The following MFSD11 variants were observed in gnomAD, a reference collection of about 807,000 sequenced individuals.
MFSD11 encodes major facilitator superfamily domain containing 11, also known as UNC93-like protein MFSD11.
In MFSD11, 36 loss-of-function variants were observed where a neutral mutation model predicts 53.5. The ratio of observed to expected loss-of-function variants is 0.67; its 90% CI spans 0.52 to 0.89. The LOEUF (loss-of-function observed/expected upper bound fraction) is 0.89, where lower values mean the gene tolerates loss of function less well. Ranked by LOEUF, MFSD11 falls within the 40% of genes least tolerant of loss-of-function variation. The pLI is 0.00. For synonymous variants in MFSD11, 186 were observed against 184.9 expected (o/e 1.01, Z -0.05); for missense variants, 530 against 543.9 (o/e 0.97, Z 0.25).
At chr17:76,775,235 C>A in intron 11 of MFSD11, 64 bp downstream of exon 11, 1 of 1,481,388 alleles carries the variant, frequency 6.8e-7, no homozygotes, top group East Asian at 2.3e-5. Context: ...TGGCTAGATA[C>A]TGAAAGTGGA....
At chr17:76,744,295 A>C in intron 6 of MFSD11, 27 bp from the exon 7 acceptor site, 1 of 1,597,964 alleles carries the variant, frequency 6.3e-7, no homozygotes, top group South Asian at 1.1e-5. Context: ...GGTCGATACT[A>C]TCTTGTTTCT....
At chr17:76,785,482 C>T (rs888683509), downstream of MFSD11, among the ~76,000 whole-genome samples, 9 of 151,618 alleles carry the variant, frequency 5.9e-5, no homozygotes, top group Admixed American at 2.0e-4. Context: ...GGACCACAAG[C>T]GCATCCCACC....
chr17:76,780,129 A>G (rs1156666482), downstream of MFSD11, among the ~76,000 whole-genome samples: 3 of 152,262 alleles, frequency 2.0e-5, no homozygotes, highest in East Asian at 3.9e-4. Flanking sequence ...AAAATGTCCC[A>G]TTTTAAAGTG....
At chr17:76,784,725 C>T (rs954340000), downstream of MFSD11, among the ~76,000 whole-genome samples, 1 of 151,966 alleles carries the variant, frequency 6.6e-6, no homozygotes, top group Non-Finnish European at 1.5e-5. Context: ...ATGGTATAAC[C>T]CTGTCTCTAC....
rs534434254 is a variant in MFSD11 at position 76,766,463 on chromosome 17, A to G, written c.683-923A>G. 4.6e-5 allele frequency among the ~76,000 whole-genome samples: 7 copies of G among 152,114 alleles called. No individual in the cohort carries two copies. In the South Asian group the frequency reaches 1.5e-3, roughly 32 times the overall value. On this transcript the variant is annotated intron_variant, in intron 8 of 12. Transcript: ENST00000685175. ...AAAGAAACCTAAATAAATAAATAAA[A>G]TAAAATGAACATGCTTTGCTAGTAG...
chr17:76,744,327 G>T lies in MFSD11; in HGVS notation c.502G>T (p.Asp168Tyr). The T allele has an allele frequency of 6.2e-7, 1 of 1,609,298 alleles. No individual in the cohort carries two copies. The highest frequency in any genetic ancestry group is 1.1e-5 in the South Asian group (1 of 89,798). ...TTCTTCTTTTTTCTCCGTAGAGAGT[G>T]ACCGAAGAACAGTGTTTATTGCCCT... ...WQGKTQISESDRRTVFIALTV... is the reference protein window; with the variant it reads ...WQGKTQISESYRRTVFIALTV... Residue 168 changes from aspartate to tyrosine, a missense_variant, in exon 7 of 13, where the codon GAC becomes TAC. Coordinates refer to ENST00000685175, the MANE Select transcript of MFSD11 (RefSeq NM_001242532.5).
chr17:76,800,886 G>A, the MFSD11 span, among the ~76,000 whole-genome samples: 2 of 152,192 alleles, frequency 1.3e-5, no homozygotes, highest in East Asian at 1.9e-4. Flanking sequence ...AGACCAGCCT[G>A]GGCAACATGA....
At chr17:76,738,697 G>C (rs185940798) in intron 1 of MFSD11, among the ~76,000 whole-genome samples, 5 of 152,180 alleles carry the variant, frequency 3.3e-5, no homozygotes, top group Non-Finnish European at 7.4e-5. Context: ...TTTGTTTCTC[G>C]TCTGTATTAA....
chr17:76,785,577 G>T (rs559166758), downstream of MFSD11, among the ~76,000 whole-genome samples: 11 of 151,980 alleles, frequency 7.2e-5, no homozygotes, highest in Admixed American at 1.3e-4. Context: ...AGACTCAAGC[G>T]GTCCACCCAC....
chr17:76,788,669 G>A, the MFSD11 span, among the ~76,000 whole-genome samples: 1 of 148,840 alleles, frequency 6.7e-6, no homozygotes, highest in African/African-American at 2.5e-5. Flanking sequence ...GGCCAACATG[G>A]CAAAACCCCA....
chr17:76,767,427 C>T lies in MFSD11; in HGVS notation c.724C>T (p.Leu242Phe). ...KLCVTKEMLL[L>F]SITTAYTGLE... ...ATGTGTCACCAAGGAGATGCTCCTT[C>T]TTAGTATTACAACTGCTTATACAGG... The change falls in exon 9 of 13, where the codon CTT becomes TTT. Residue 242 changes from leucine to phenylalanine, a missense_variant. Leu to Phe is a conservative substitution (Grantham distance 22). Coordinates refer to ENST00000685175, the MANE Select transcript of MFSD11 (RefSeq NM_001242532.5). 1 of 1,602,770 alleles carries T rather than the reference C, an allele frequency of 6.2e-7. No homozygotes were observed. Among genetic ancestry groups the T allele is most frequent in the African/African-American group, 1.3e-5 (1 of 74,788 alleles).
At chr17:76,741,102 C>G (rs997337846) in intron 3 of MFSD11, 38 bp downstream of exon 3, 1 of 1,182,840 alleles carries the variant, frequency 8.5e-7, no homozygotes, top group Non-Finnish European at 1.3e-6. Flanking sequence ...AATCAGAACA[C>G]TTGTCAGGAT....
intron 8 of MFSD11, among the ~76,000 whole-genome samples, chr17:76,762,743 A>C (rs1435112969): frequency 6.6e-6 from 1 of 152,144 alleles, no homozygotes. Flanking sequence ...GGCTTGAGTC[A>C]ACACCACTAG....
intron 10 of MFSD11, 70 bp from the exon 11 acceptor site, chr17:76,774,927 G>A (rs2081677040): frequency 6.7e-6 from 10 of 1,486,280 alleles, no homozygotes; most frequent in Non-Finnish European, 9.1e-6. Context: ...TGGCTCCTTG[G>A]TGGTAACTCA....
the MFSD11 span, among the ~76,000 whole-genome samples, chr17:76,794,503 G>C: frequency 2.7e-5 from 4 of 148,498 alleles, no homozygotes; most frequent in Non-Finnish European, 5.9e-5. Context: ...TTAGCCAGGC[G>C]TGGTGGCAGG....
intron 8 of MFSD11, among the ~76,000 whole-genome samples, chr17:76,761,520 G>T (rs1479684185): frequency 2.0e-5 from 3 of 152,126 alleles, no homozygotes; most frequent in African/African-American, 7.2e-5. Context: ...GAAAACAAAT[G>T]ATAAAATGGA....
chr17:76,791,353 A>G, the MFSD11 span, among the ~76,000 whole-genome samples: 2 of 149,044 alleles, frequency 1.3e-5, no homozygotes, highest in Non-Finnish European at 3.0e-5. Flanking sequence ...ATGTTGTCAG[A>G]TATTTCCAAT....
chr17:76,750,430 G>A (rs748874803), intron 7 of MFSD11, among the ~76,000 whole-genome samples: 2 of 145,260 alleles, frequency 1.4e-5, no homozygotes, highest in African/African-American at 5.2e-5. Flanking sequence ...GTGCAGTGGC[G>A]CAAACTCGGC....
chr17:76,742,024 G>C lies in MFSD11; in HGVS notation c.316G>C (p.Val106Leu). 6 of 1,614,100 alleles carry C rather than the reference G, an allele frequency of 3.7e-6. No homozygotes were observed. Among genetic ancestry groups the C allele is most frequent in the Non-Finnish European group, 5.1e-6 (6 of 1,180,008 alleles). ...PFPWSFYTAS[V>L]FIGIAAAVLW... ...CCCGTGGTCCTTCTACACAGCCTCT[G>C]TTTTCATTGGAATTGCTGCTGCTGG... Residue 106 changes from valine (V) to leucine (L), a missense_variant, in exon 4 of 13, where the codon GTT becomes CTT. By Grantham distance (32) the Val-to-Leu change is conservative. Transcript: ENST00000685175.
Sources: allele counts gnomAD v4.1 joint callset (sites outside exome capture counted in the v4.1 genomes callset), GRCh38; gene constraint gnomAD v4.1.1; transcripts MANE v1.5; gene names NCBI Gene and HGNC (gene_info 2026-07-23, HGNC 2026-07-21).